The following COL6A6 variants were observed in gnomAD, a reference collection of about 807,000 sequenced individuals.
COL6A6 encodes collagen alpha-6(VI) chain.
Under a neutral mutation model 208.6 loss-of-function variants are expected in COL6A6, and 183 were observed. That is an observed-to-expected ratio of 0.88 (90% CI 0.78 to 0.99). The LOEUF (loss-of-function observed/expected upper bound fraction) is 0.99, where lower values mean the gene tolerates loss of function less well. COL6A6 is among the 50% of genes least tolerant of loss of function. The pLI is 0.00. For missense variants in COL6A6, 2,816 were observed against 2,815.2 expected, an observed-to-expected ratio of 1.00 and a Z score of -0.01; for synonymous variants, 973 against 1,011.8, an observed-to-expected ratio of 0.96 and a Z score of 0.73.
chr3:130,595,316 T>C (rs954379351), intron 18 of COL6A6, among the ~76,000 whole-genome samples: 1 of 152,256 alleles, frequency 6.6e-6, no homozygotes, highest in African/African-American at 2.4e-5. Context: ...GATTTAGCTT[T>C]GTTTTAAAAT....
At chr3:130,663,198 T>C (rs1331147392) in intron 35 of COL6A6, among the ~76,000 whole-genome samples, 1 of 152,142 alleles carries the variant, frequency 6.6e-6, no homozygotes, top group Non-Finnish European at 1.5e-5. Context: ...TCAGTCAGTG[T>C]AGGGTGAGGT....
chr3:130,662,006 GGACTCTGGACAATGTATTTT>G lies in COL6A6; in HGVS notation c.6201_6220del (p.Trp2067CysfsTer53), dbSNP rs769124396. On this transcript the variant is annotated frameshift_variant, in exon 35 of 37. Transcript: ENST00000358511. LOFTEE classifies it high-confidence loss of function. ...GCTTTTATTGGTCATGCCTTACAGT[GGACTCTGGACAATGTATTTT>G]TAAGTACACCCAATCTGAGAAGAAA... The G allele has an allele frequency of 6.2e-7, 1 of 1,613,916 alleles. No homozygotes were observed. The highest frequency in any genetic ancestry group is 1.1e-5 in the South Asian group (1 of 91,076).
At chr3:130,547,200 G>T (rs954390644) in intron 1 of COL6A6, among the ~76,000 whole-genome samples, 1 of 152,264 alleles carries the variant, frequency 6.6e-6, no homozygotes, top group Admixed American at 6.5e-5. Context: ...CCCGAGCCAT[G>T]CCCCGCAGGG....
chr3:130,568,957 A>T (rs1442189076), intron 6 of COL6A6, among the ~76,000 whole-genome samples: 1 of 152,226 alleles, frequency 6.6e-6, no homozygotes, highest in African/African-American at 2.4e-5. Context: ...GAAACAGGTC[A>T]GGGCATGGGT....
At chr3:130,624,765 T>C (rs1191015753) in intron 24 of COL6A6, among the ~76,000 whole-genome samples, 1 of 152,140 alleles carries the variant, frequency 6.6e-6, no homozygotes, top group Non-Finnish European at 1.5e-5. Flanking sequence ...AGAATTTAGA[T>C]GGCAAGTGCC....
chr3:130,524,761 G>T (rs6794807), intron 1 of COL6A6, among the ~76,000 whole-genome samples: 4,597 of 152,268 alleles, frequency 0.03, 207 homozygotes, highest in African/African-American at 0.098. Flanking sequence ...AGCAAAAGTT[G>T]TTAAGTTGGG....
chr3:130,586,645 G>T lies in COL6A6; in HGVS notation c.4110G>T (p.Arg1370=), dbSNP rs745874624. Residue 1370 remains arginine, a synonymous_variant, in exon 11 of 37, where the codon CGG becomes CGT. Transcript: ENST00000358511. ...LSIGMRELGS[R]LSKQLVNVAE... ...TTGGCATGAGAGAACTTGGAAGCCG[G>T]CTGTCAAAGCAGCTGGTAAGTTATT... 1 of 1,611,870 alleles carries T rather than the reference G, an allele frequency of 6.2e-7. No homozygotes were observed. The highest frequency in any genetic ancestry group is 1.1e-5 in the South Asian group (1 of 90,250).
At chr3:130,666,800 G>A (rs2066085569) in intron 36 of COL6A6, among the ~76,000 whole-genome samples, 1 of 152,084 alleles carries the variant, frequency 6.6e-6, no homozygotes, top group South Asian at 2.1e-4. Flanking sequence ...GACATAAAGA[G>A]ATTATCATTT....
chr3:130,620,678 ATCCT>A lies in COL6A6; in HGVS notation c.4816-1138_4816-1135del, dbSNP rs2064688578. 2.0e-5 allele frequency among the ~76,000 whole-genome samples: 3 copies of A among 152,358 alleles called. No homozygotes were observed. The South Asian group carries it at 6.2e-4, about 32-fold the overall frequency. On this transcript the variant is annotated intron_variant, in intron 23 of 36. Coordinates refer to ENST00000358511, the MANE Select transcript of COL6A6 (RefSeq NM_001102608.3). ...TTAGTAACCAATTTATTGTTCAACA[ATCCT>A]TCCTATTAGGAAATTTTTTATGTCC...
At chr3:130,599,512 A>G (rs1560048346) in intron 19 of COL6A6, among the ~76,000 whole-genome samples, 1 of 152,212 alleles carries the variant, frequency 6.6e-6, no homozygotes, top group Admixed American at 6.5e-5. Context: ...AATACAACTT[A>G]GACAGTAGTG....
At position 130,675,363 on chromosome 3, in the gene COL6A6, G is replaced by A. The variant is rs750568822; in HGVS notation, c.6758G>A (p.Arg2253Lys). The change falls in exon 37 of 37, where the codon AGG (arginine) becomes AAG (lysine). Residue 2253 changes from arginine to lysine, a missense_variant. Transcript: ENST00000358511. Reference sequence around the variant, plus strand: ...ACCTCCCATACCTTTAAGAATGGAAGGATGATAGAAAGTGCTCCCAAACAA... The same window carrying A: ...ACCTCCCATACCTTTAAGAATGGAAAGATGATAGAAAGTGCTCCCAAACAA... ...RSTSHTFKNG[R>K]MIESAPKQHD 1 of 1,594,066 alleles carries A rather than the reference G, an allele frequency of 6.3e-7. No individual in the cohort carries two copies. The highest frequency in any genetic ancestry group is 2.2e-5 in the East Asian group (1 of 44,524).
At chr3:130,546,738 A>G (rs1327658129) in intron 1 of COL6A6, among the ~76,000 whole-genome samples, 1 of 150,378 alleles carries the variant, frequency 6.6e-6, no homozygotes, top group African/African-American at 2.4e-5. Flanking sequence ...GTGCGTTTAC[A>G]AACCTTGAGC....
intron 17 of COL6A6, 123 bp from the exon 18 acceptor site, chr3:130,594,158 C>A: frequency 2.5e-6 from 2 of 788,664 alleles, no homozygotes; most frequent in South Asian, 3.5e-5. Context: ...ATCTTTCCAG[C>A]TTAAAAATAG....
chr3:130,517,782 G>A (rs764182341), intron 1 of COL6A6, among the ~76,000 whole-genome samples: 7 of 152,194 alleles, frequency 4.6e-5, no homozygotes, highest in Non-Finnish European at 8.8e-5. Context: ...GACCACTCTC[G>A]GAAACAAATG....
intron 7 of COL6A6, among the ~76,000 whole-genome samples, chr3:130,572,418 C>G (rs2063189923): frequency 6.7e-6 from 1 of 150,156 alleles, no homozygotes; most frequent in Non-Finnish European, 1.5e-5. Flanking sequence ...AATGTTTTTA[C>G]TAGATGAATT....
intron 10 of COL6A6, among the ~76,000 whole-genome samples, chr3:130,585,470 C>T (rs900363008): frequency 1.3e-5 from 2 of 152,206 alleles, no homozygotes; most frequent in African/African-American, 2.4e-5. Flanking sequence ...TTCCCAGGCA[C>T]ACAGTTTCTA....
chr3:130,519,481 A>G lies in COL6A6; in HGVS notation c.-32+2084A>G, dbSNP rs1036000690. Among the ~76,000 whole-genome samples the G allele has an allele frequency of 3.3e-5, 5 of 152,348 alleles. No individual in the cohort carries two copies. The South Asian group carries it at 1.0e-3, about 32-fold the overall frequency. ...GATTAGATTTTCTATGCTTCTTCTT[A>G]TGCTTCTAAAAGATTCATGAACATG... On this transcript the variant is annotated intron_variant, in intron 1 of 36. Coordinates refer to ENST00000358511, the MANE Select transcript of COL6A6 (RefSeq NM_001102608.3).
At chr3:130,664,387 A>G (rs752724755) in intron 35 of COL6A6, among the ~76,000 whole-genome samples, 9 of 152,220 alleles carry the variant, frequency 5.9e-5, no homozygotes, top group Admixed American at 2.0e-4. Context: ...GTGACCAGGA[A>G]GAGATCTAGT....
At chr3:130,531,407 A>G (rs2062092419) in intron 1 of COL6A6, among the ~76,000 whole-genome samples, 2 of 152,180 alleles carry the variant, frequency 1.3e-5, no homozygotes, top group Non-Finnish European at 2.9e-5. Context: ...TGGGAATGGA[A>G]AATCTCCAGG....
Sources: allele counts gnomAD v4.1 joint callset (sites outside exome capture counted in the v4.1 genomes callset), GRCh38; gene constraint gnomAD v4.1.1; transcripts MANE v1.5; gene names NCBI Gene and HGNC (gene_info 2026-07-23, HGNC 2026-07-21).